TEX9: variants seen among roughly 807,000 people sequenced by gnomAD.
TEX9 encodes testis-expressed protein 9.
A neutral mutation model predicts 59.6 loss-of-function variants in TEX9; 74 were observed. The observed-to-expected ratio is 1.24, with a 90% CI of 1.03 to 1.51. The LOEUF (loss-of-function observed/expected upper bound fraction) is 1.51, where lower values mean the gene tolerates loss of function less well. TEX9 is among the 40% of genes most tolerant of loss of function. The pLI is 0.00. For synonymous variants in TEX9, 186 were observed against 152.2 expected, an observed-to-expected ratio of 1.22 and a Z score of -1.64; for missense variants, 522 against 447.8, an observed-to-expected ratio of 1.17 and a Z score of -1.49.
intron 1 of TEX9, among the ~76,000 whole-genome samples, chr15:56,268,594 T>A (rs182880727): frequency 2.3e-4 from 35 of 152,298 alleles, no homozygotes; most frequent in African/African-American, 7.9e-4. Context: ...ATGTGGTTTT[T>A]GTCTTTGGTT....
At chr15:56,384,612 T>C (rs1460417955) in intron 4 of TEX9, among the ~76,000 whole-genome samples, 56 of 152,204 alleles carry the variant, frequency 3.7e-4, no homozygotes, top group African/African-American at 4.8e-5. Flanking sequence ...TTTGCTAATG[T>C]TGAAATTGGT....
At chr15:56,431,668 T>C (rs1330032468) in intron 12 of TEX9, among the ~76,000 whole-genome samples, 1 of 152,006 alleles carries the variant, frequency 6.6e-6, no homozygotes, top group African/African-American at 2.4e-5. Context: ...TTTATGTCTG[T>C]ACACATATCT....
At position 56,272,037 on chromosome 15, in the gene TEX9, G is replaced by A. The variant is rs537843067; in HGVS notation, c.-107+27759G>A. Among the ~76,000 whole-genome samples the A allele has an allele frequency of 3.0e-4, 45 of 152,148 alleles. No individual in the cohort carries two copies. The South Asian group carries it at 7.1e-3, about 24-fold the overall frequency. ...TGGGCACCGGTAGTCGCAGCTACTC[G>A]GGAGGCTGAGGCAGGGGAATGGCCG... On this transcript the variant is annotated intron_variant, in intron 1 of 5. Transcript: ENST00000560827.
At chr15:56,431,691 C>T (rs1398710169) in intron 12 of TEX9, among the ~76,000 whole-genome samples, 1 of 151,666 alleles carries the variant, frequency 6.6e-6, no homozygotes, top group East Asian at 1.9e-4. Context: ...GTATTTTTTA[C>T]TGTCATTATT....
intron 1 of TEX9, among the ~76,000 whole-genome samples, chr15:56,277,409 A>G (rs1225176494): frequency 6.6e-6 from 1 of 152,198 alleles, no homozygotes; most frequent in East Asian, 1.9e-4. Flanking sequence ...CAGTTTTCCC[A>G]GCACCATTTA....
At chr15:56,299,407 A>G (rs1425492437) in intron 1 of TEX9, among the ~76,000 whole-genome samples, 1 of 152,302 alleles carries the variant, frequency 6.6e-6, no homozygotes, top group East Asian at 1.9e-4. Context: ...CTCTACCACC[A>G]TGGGCTAAAA....
intron 1 of TEX9, among the ~76,000 whole-genome samples, chr15:56,302,219 G>A (rs1008811233): frequency 3.9e-5 from 6 of 152,102 alleles, no homozygotes; most frequent in Admixed American, 3.9e-4. Flanking sequence ...TGGGCACAGT[G>A]GCTCATGCCT....
At chr15:56,277,764 C>T (rs1388205917) in intron 1 of TEX9, among the ~76,000 whole-genome samples, 4 of 152,168 alleles carry the variant, frequency 2.6e-5, no homozygotes, top group African/African-American at 9.7e-5. Flanking sequence ...AAATTTTGCA[C>T]AGTTAGAATG....
intron 2 of TEX9, among the ~76,000 whole-genome samples, chr15:56,366,499 C>G (rs996173058): frequency 6.6e-5 from 10 of 152,196 alleles, no homozygotes; most frequent in African/African-American, 2.2e-4. Context: ...GCTAAGTAGG[C>G]TCCCTTGTTG....
chr15:56,309,693 G>GTTTTGTT (rs2045561378), intron 1 of TEX9, among the ~76,000 whole-genome samples: 2 of 60,772 alleles, frequency 3.3e-5, no homozygotes, highest in Non-Finnish European at 5.6e-5. Flanking sequence ...TTTATGGGAA[G>GTTTTGTT]TTTTTTTTTT....
chr15:56,423,266 G>A (rs1383787329), intron 10 of TEX9, among the ~76,000 whole-genome samples: 1 of 152,152 alleles, frequency 6.6e-6, no homozygotes, highest in Admixed American at 6.5e-5. Context: ...AAGTTTTGGT[G>A]TATTGTAGCT....
intron 7 of TEX9, among the ~76,000 whole-genome samples, chr15:56,392,492 C>T (rs1208427591): frequency 6.6e-6 from 1 of 152,112 alleles, no homozygotes; most frequent in Non-Finnish European, 1.5e-5. Flanking sequence ...AAACCACCCC[C>T]ATGATCCATT....
intron 1 of TEX9, among the ~76,000 whole-genome samples, chr15:56,320,656 T>G (rs1266605785): frequency 6.6e-6 from 1 of 152,142 alleles, no homozygotes; most frequent in Admixed American, 6.6e-5. Flanking sequence ...TCCAGAGCTG[T>G]GGAGATAGGG....
At chr15:56,391,698 A>G (rs1289566616) in intron 7 of TEX9, among the ~76,000 whole-genome samples, 1 of 152,152 alleles carries the variant, frequency 6.6e-6, no homozygotes, top group Non-Finnish European at 1.5e-5. Context: ...AAAAGTAAAA[A>G]TAAAAAAGAC....
intron 1 of TEX9, among the ~76,000 whole-genome samples, chr15:56,256,581 T>C (rs1349260698): frequency 7.2e-5 from 11 of 151,910 alleles, no homozygotes; most frequent in African/African-American, 2.2e-4. Flanking sequence ...GGGATAAATT[T>C]GTATAAAACT....
intron 1 of TEX9, among the ~76,000 whole-genome samples, chr15:56,331,189 T>C (rs1388801948): frequency 6.6e-6 from 1 of 152,102 alleles, no homozygotes; most frequent in Non-Finnish European, 1.5e-5. Context: ...GAGATAGACC[T>C]CAATATAATA....
chr15:56,435,383 G>T (rs1681400386), intron 12 of TEX9, among the ~76,000 whole-genome samples: 1 of 151,736 alleles, frequency 6.6e-6, no homozygotes, highest in Admixed American at 6.6e-5. Context: ...CAAAAGGCTG[G>T]TTCTTAAAAA....
chr15:56,305,739 G>C (rs2045467489), intron 1 of TEX9, among the ~76,000 whole-genome samples: 1 of 152,114 alleles, frequency 6.6e-6, no homozygotes, highest in Non-Finnish European at 1.5e-5. Context: ...AATACCCCAT[G>C]AGCACAGGTG....
rs74018617 is a variant in TEX9, at chr15:56,282,413, A to G, written c.-107+38135A>G. Among the ~76,000 whole-genome samples, 705 of 152,268 alleles carry G rather than the reference A, an allele frequency of 4.6e-3. 12 individuals carry two copies. The highest frequency in any genetic ancestry group is 0.017 in the African/African-American group (688 of 41,580). ...TAGCATATTTTAAAGTAAAACCCAA[A>G]AGGCATATTCATCAAAAGTAGACAT... is the stretch of plus-strand genomic sequence containing the variant. On this transcript the variant is annotated intron_variant, in intron 1 of 5. Transcript: ENST00000560827.
Sources: allele counts gnomAD v4.1 joint callset (sites outside exome capture counted in the v4.1 genomes callset), GRCh38; gene constraint gnomAD v4.1.1; transcripts MANE v1.5; gene names NCBI Gene and HGNC (gene_info 2026-07-23, HGNC 2026-07-21).